Variants in ROBO2 observed in about 807,000 individuals in gnomAD.
ROBO2 encodes the protein roundabout homolog 2.
ROBO2 carries 53 observed loss-of-function variants against 160.8 expected under a neutral mutation model. That is an observed-to-expected ratio of 0.33 (90% confidence interval 0.26 to 0.41). The LOEUF (loss-of-function observed/expected upper bound fraction) is 0.41, where lower values mean the gene tolerates loss of function less well. ROBO2 is among the 10% of genes least tolerant of loss of function. The pLI, the probability that ROBO2 is intolerant of heterozygous loss-of-function variation, is 1.00. For missense variants in ROBO2, 1,577 were observed against 1,722.4 expected, an observed-to-expected ratio of 0.92 and a Z score of 1.49; for synonymous variants, 664 against 611.7, an observed-to-expected ratio of 1.09 and a Z score of -1.26.
intron 2 of ROBO2, among the ~76,000 whole-genome samples, chr3:76,498,029 C>T (rs142413818): frequency 6.6e-6 from 1 of 152,306 alleles, no homozygotes; most frequent in East Asian, 1.9e-4. Context: ...TCTTTGTTTA[C>T]TCATTCATTG....
At chr3:76,611,664 G>A (rs771048899) in intron 2 of ROBO2, among the ~76,000 whole-genome samples, 1 of 151,938 alleles carries the variant, frequency 6.6e-6, no homozygotes, top group Non-Finnish European at 1.5e-5. Context: ...CTCTCTTTAT[G>A]TCTTAGTCTG....
At chr3:76,186,410 G>A (rs976810661) in intron 2 of ROBO2, among the ~76,000 whole-genome samples, 3 of 152,032 alleles carry the variant, frequency 2.0e-5, no homozygotes, top group East Asian at 1.9e-4. Flanking sequence ...ATCAGTTCTC[G>A]TACTTGGTTG....
rs375802994 is a variant in ROBO2, at chr3:76,041,492, TTGTC to T, written c.109+103894_109+103897del. 2.7e-4 allele frequency among the ~76,000 whole-genome samples: 41 copies of T among 152,168 alleles called. No homozygotes were observed. The East Asian group carries it at 7.7e-3, about 29-fold the overall frequency. On this transcript the variant is annotated intron_variant, in intron 2 of 26. Coordinates refer to the ROBO2 transcript ENST00000487694. Reference sequence around the variant, plus strand: ...CTGCCCTCCCACCTACATTGGTCCTTTGTCTGTATGTCAAATGCATTATTTTAGC... The same window carrying T: ...CTGCCCTCCCACCTACATTGGTCCTTTGTATGTCAAATGCATTATTTTAGC...
chr3:76,963,279 C>T (rs148220462), intron 2 of ROBO2, among the ~76,000 whole-genome samples: 1,912 of 152,070 alleles, frequency 0.013, 18 homozygotes, highest in Non-Finnish European at 0.021. Flanking sequence ...ATTTTGTCTT[C>T]AAAATATTTT....
intron 2 of ROBO2, among the ~76,000 whole-genome samples, chr3:77,237,622 G>A (rs7644620): frequency 0.2 from 30,404 of 151,990 alleles, 3,436 homozygotes; most frequent in Middle Eastern, 0.31. Flanking sequence ...AGTCCATATA[G>A]TGTATCTATC....
At chr3:77,437,760 A>G (rs11707290) in intron 2 of ROBO2, among the ~76,000 whole-genome samples, 11,191 of 151,852 alleles carry the variant, frequency 0.074, 533 homozygotes, top group East Asian at 0.13. Flanking sequence ...CTTACTCAAA[A>G]CTCTTTTTTT....
chr3:77,125,913 G>T (rs528399498), intron 2 of ROBO2, among the ~76,000 whole-genome samples: 1 of 152,162 alleles, frequency 6.6e-6, no homozygotes, highest in African/African-American at 2.4e-5. Context: ...ACTATTAGTT[G>T]TTTCACTTAT....
chr3:76,765,756 C>T (rs1362906975), intron 2 of ROBO2, among the ~76,000 whole-genome samples: 1 of 151,658 alleles, frequency 6.6e-6, no homozygotes, highest in Non-Finnish European at 1.5e-5. Context: ...GTGCAGCCAG[C>T]ATCAGCTGAC....
intron 2 of ROBO2, among the ~76,000 whole-genome samples, chr3:76,408,509 T>C (rs189083600): frequency 2.8e-4 from 43 of 152,234 alleles, no homozygotes; most frequent in African/African-American, 9.6e-4. Context: ...AAGTATCTCA[T>C]TTAAGAAAGC....
intron 16 of ROBO2, among the ~76,000 whole-genome samples, chr3:77,580,972 C>T (rs1357366116): frequency 6.6e-6 from 1 of 152,164 alleles, no homozygotes; most frequent in Non-Finnish European, 1.5e-5. Flanking sequence ...AAAATGACTT[C>T]TAGTTGCCCT....
chr3:77,112,367 A>G (rs1052593297), intron 2 of ROBO2, among the ~76,000 whole-genome samples: 21 of 151,712 alleles, frequency 1.4e-4, no homozygotes, highest in African/African-American at 4.8e-4. Flanking sequence ...CCTCAGCCTC[A>G]TGAGTAGCTG....
chr3:76,039,607 T>C (rs913484086), intron 2 of ROBO2, among the ~76,000 whole-genome samples: 4 of 152,054 alleles, frequency 2.6e-5, no homozygotes, highest in African/African-American at 9.7e-5. Context: ...TGTTGGGGAA[T>C]ACTTCCTAAT....
At chr3:76,432,000 C>T (rs2076458229) in intron 2 of ROBO2, among the ~76,000 whole-genome samples, 1 of 152,098 alleles carries the variant, frequency 6.6e-6, no homozygotes, top group African/African-American at 2.4e-5. Flanking sequence ...TGCTTAGAAG[C>T]ATTAGAATCC....
chr3:77,296,389 A>G (rs1177711824), intron 2 of ROBO2, among the ~76,000 whole-genome samples: 1 of 152,150 alleles, frequency 6.6e-6, no homozygotes, highest in Non-Finnish European at 1.5e-5. Flanking sequence ...CTGAGGCTAG[A>G]TCACCAAAGA....
At chr3:77,295,949 C>T (rs980001570) in intron 2 of ROBO2, among the ~76,000 whole-genome samples, 1 of 110,840 alleles carries the variant, frequency 9.0e-6, no homozygotes, top group Admixed American at 9.1e-5. Context: ...GATGGTTAAA[C>T]GGGTAAGCTG....
intron 2 of ROBO2, among the ~76,000 whole-genome samples, chr3:77,106,967 A>G (rs1373739213): frequency 1.3e-5 from 2 of 152,224 alleles, no homozygotes; most frequent in Admixed American, 1.3e-4. Context: ...TCAGTAGTTT[A>G]ACAACTCTGG....
intron 2 of ROBO2, among the ~76,000 whole-genome samples, chr3:76,077,826 A>G (rs1003560952): frequency 6.6e-6 from 1 of 152,196 alleles, no homozygotes; most frequent in Non-Finnish European, 1.5e-5. Flanking sequence ...GAATCAGCAA[A>G]GTGAGTTGGA....
intron 17 of ROBO2, among the ~76,000 whole-genome samples, chr3:77,589,279 G>T (rs2094128010): frequency 6.6e-6 from 1 of 152,076 alleles, no homozygotes; most frequent in African/African-American, 2.4e-5. Flanking sequence ...ATGAAGCCAT[G>T]TTTGAGAAGT....
At chr3:76,567,765 G>A (rs371775387) in intron 2 of ROBO2, among the ~76,000 whole-genome samples, 1 of 63,540 alleles carries the variant, frequency 1.6e-5, no homozygotes, top group Non-Finnish European at 3.2e-5. Context: ...ATATCTGTCT[G>A]TGTGTGTGTG....
Sources: gnomAD v4.1 joint callset for allele counts (sites outside exome capture counted in the v4.1 genomes callset) on GRCh38, gnomAD v4.1.1 for gene constraint, MANE v1.5 for transcripts, NCBI Gene and HGNC (gene_info 2026-07-23, HGNC 2026-07-21) for gene names.